NEK4: variants seen among roughly 807,000 people sequenced by gnomAD.
NEK4 encodes the protein NIMA related kinase 4.
In NEK4, 86 loss-of-function variants were observed where a neutral mutation model predicts 98.4. The ratio of observed to expected loss-of-function variants is 0.87; its 90% confidence interval spans 0.73 to 1.05. NEK4 has a LOEUF of 1.05. NEK4 is among the 50% of genes least tolerant of loss of function. The probability of loss-of-function intolerance (pLI) is 0.00; values close to 1 mark genes in which losing one functional copy is unlikely to be tolerated. For missense variants in NEK4, 898 were observed against 950.3 expected (o/e 0.94, Z 0.72); for synonymous variants, 328 against 342.2 (o/e 0.96, Z 0.46).
At position 52,765,972 on chromosome 3, in the gene NEK4, C is replaced by T; in HGVS notation, c.581G>A (p.Cys194Tyr). 6.2e-7 allele frequency: 1 copy of T among 1,609,944 alleles called. No homozygotes were observed. Among genetic ancestry groups the T allele is most frequent in the Non-Finnish European group, 8.5e-7 (1 of 1,176,256 alleles). Residue 194 changes from cysteine (C) to tyrosine (Y), a missense_variant, in exon 4 of 16, where the codon TGC becomes TAC. By Grantham distance (194) the Cys-to-Tyr change is radical. Coordinates refer to ENST00000233027, the MANE Select transcript of NEK4 (RefSeq NM_003157.6). Reference protein sequence around the residue: ...NYKSDVWALGCCVYEMATLKH... With the variant: ...NYKSDVWALGYCVYEMATLKH... ...CAAGGTGGCCATTTCATAGACACAGCATCCTAGAGCCCAAACATCAGACTA... is the reference window on the plus strand; with the variant it reads ...CAAGGTGGCCATTTCATAGACACAGTATCCTAGAGCCCAAACATCAGACTA...
Position 52,760,909 on chromosome 3 carries a change from A to G in NEK4, c.849T>C (p.Asn283=). 1 of 1,586,912 alleles carries G rather than the reference A, an allele frequency of 6.3e-7. No homozygotes were observed. Among genetic ancestry groups the G allele is most frequent in the Non-Finnish European group, 8.6e-7 (1 of 1,167,294 alleles). Residue 283 remains asparagine, a synonymous_variant, in exon 6 of 16, where the codon AAT becomes AAC. Transcript: ENST00000233027. ...KIKTSKNNIK[N]GDSQSKPFAT... is the part of the protein sequence containing the mutation. ...CAAAAGGCTTGGATTGAGAGTCACC[A>G]TTTTTAATGTTATTTTTGGAGGTTT...
chr3:52,740,711 G>C (rs1366372077), intron 13 of NEK4, among the ~76,000 whole-genome samples: 2 of 152,074 alleles, frequency 1.3e-5, no homozygotes, highest in African/African-American at 4.8e-5. Flanking sequence ...AGAATACCTT[G>C]AACTCAGGAG....
chr3:52,736,149 C>T (rs1439708703), intron 15 of NEK4, among the ~76,000 whole-genome samples: 1 of 152,166 alleles, frequency 6.6e-6, no homozygotes, highest in Admixed American at 6.5e-5. Flanking sequence ...CTTTAAAAAT[C>T]TGTCCTGTTT....
In NEK4 at chr3:52,711,286, A is replaced by C. The variant is rs898457018; in HGVS notation, c.*491T>G. ...ATAGAACTTCATATTCTTTAAATCTATTTCTAGAACTGAATTGACTTTTTA... is the reference window on the plus strand; with the variant it reads ...ATAGAACTTCATATTCTTTAAATCTCTTTCTAGAACTGAATTGACTTTTTA... On this transcript the variant is annotated 3_prime_UTR_variant, in exon 16 of 16. Transcript: ENST00000233027. 1.3e-5 allele frequency: 2 copies of C among 152,360 alleles called. 1 individual carries two copies. Among genetic ancestry groups the C allele is most frequent in the South Asian group, 4.1e-4 (2 of 4,836 alleles). 9.4% of individuals were successfully genotyped at this position (152,360 alleles called of 1,614,324 possible).
At chr3:52,746,595 A>G (rs1042901293) in intron 9 of NEK4, 139 bp downstream of exon 9, 43 of 727,166 alleles carry the variant, frequency 5.9e-5, no homozygotes, top group Non-Finnish European at 8.6e-5. Context: ...GAAAACTACT[A>G]TTTAGCATCT....
Position 52,770,864 on chromosome 3 carries a change from C to T in NEK4, c.-118G>A. 34 of 856,504 alleles carry T rather than the reference C, an allele frequency of 4.0e-5. No homozygotes were observed. The African/African-American group carries it at 4.8e-4, about 12-fold the overall frequency. The allele number at this position is 856,504 out of a possible 1,614,324, so 53.1% of individuals were successfully genotyped here. ...GCAGTGGGGGCGGCTGTTGAGGCAG[C>T]CGGGCCCGGGCGGGATTGCTGGGGC... On this transcript the variant is annotated 5_prime_UTR_variant, in exon 1 of 16. Coordinates refer to ENST00000233027, the MANE Select transcript of NEK4 (RefSeq NM_003157.6).
In NEK4 at chr3:52,766,351, G is replaced by A. The variant is rs141525620; in HGVS notation, c.385C>T (p.His129Tyr). Reference sequence around the variant, plus strand: ...ACATTTTGAGTTTTCAGATCTCGATGAAGGATGTGTTTTTCATGTAAATAC... The same window carrying A: ...ACATTTTGAGTTTTCAGATCTCGATAAAGGATGTGTTTTTCATGTAAATAC... ...LQYLHEKHIL[H>Y]RDLKTQNVFL... The change falls in exon 3 of 16, where the codon CAT becomes TAT. Residue 129 changes from histidine to tyrosine, a missense_variant. Coordinates refer to ENST00000233027, the MANE Select transcript of NEK4 (RefSeq NM_003157.6). The A allele has an allele frequency of 9.3e-6, 15 of 1,613,370 alleles. No individual in the cohort carries two copies. The highest frequency in any genetic ancestry group is 1.3e-5 in the Non-Finnish European group (15 of 1,179,432).
rs181081860 is a variant in NEK4, at chr3:52,754,855, C to T, written c.964-2519G>A. On this transcript the variant is annotated intron_variant, in intron 6 of 15. Coordinates refer to ENST00000233027, the MANE Select transcript of NEK4 (RefSeq NM_003157.6). ...TTGGGAGGCCAAGATGGGCGGATCA[C>T]GAGGTCAGGAGATCCAGAACATCCT... Among the ~76,000 whole-genome samples the T allele has an allele frequency of 4.5e-3, 690 of 152,108 alleles. 7 individuals are homozygous for T. The highest frequency in any genetic ancestry group is 7.7e-3 in the Non-Finnish European group (526 of 67,990).
chr3:52,768,106 A>G (rs1698642648), intron 2 of NEK4, among the ~76,000 whole-genome samples: 1 of 152,208 alleles, frequency 6.6e-6, no homozygotes, highest in East Asian at 1.9e-4. Context: ...ATGGTAATTG[A>G]GTGGGCTTCC....
chr3:52,732,809 G>A (rs1218028605), intron 15 of NEK4: 1 of 239,646 alleles, frequency 4.2e-6, no homozygotes. Flanking sequence ...CAATCCAGAT[G>A]GCAGGGAATG....
chr3:52,729,298 G>T (rs2097367392), intron 15 of NEK4, among the ~76,000 whole-genome samples: 1 of 152,080 alleles, frequency 6.6e-6, no homozygotes, highest in Admixed American at 6.6e-5. Context: ...TTATTTCTCA[G>T]CTGGCCGACA....
intron 1 of NEK4, among the ~76,000 whole-genome samples, chr3:52,769,607 A>C (rs1698704833): frequency 6.6e-6 from 1 of 152,224 alleles, no homozygotes; most frequent in African/African-American, 2.4e-5. Context: ...TAAATTTCTT[A>C]TGCATGAGCT....
intron 6 of NEK4, among the ~76,000 whole-genome samples, chr3:52,755,073 CAAA>C (rs201856002): frequency 2.1e-5 from 1 of 47,020 alleles, no homozygotes; most frequent in Non-Finnish European, 4.7e-5. Flanking sequence ...GACTCCGTCT[CAAA>C]AAAAAAAAAA....
At chr3:52,722,753 A>G (rs2097361182) in intron 15 of NEK4, among the ~76,000 whole-genome samples, 1 of 152,042 alleles carries the variant, frequency 6.6e-6, no homozygotes. Flanking sequence ...ATGTACAAAA[A>G]AAATAGCTGG....
Position 52,739,597 on chromosome 3 carries a change from A to G in NEK4, c.2131T>C (p.Leu711=), listed in dbSNP as rs777252064. 8.1e-6 allele frequency: 13 copies of G among 1,614,170 alleles called. No individual in the cohort carries two copies. The highest frequency in any genetic ancestry group is 2.2e-5 in the East Asian group (1 of 44,880). The change falls in exon 14 of 16, where the codon TTG becomes CTG. Residue 711 remains leucine, a synonymous_variant. Transcript: ENST00000233027. ...TCCAGTTTCAGGGTCTGAGTCATCAATTGTACCAAGGCATTAATTTCATTT... is the reference window on the plus strand; with the variant it reads ...TCCAGTTTCAGGGTCTGAGTCATCAGTTGTACCAAGGCATTAATTTCATTT... ...QTNEINALVQ[L]MTQTLKLDSK...
chr3:52,769,194 C>T (rs974567127), intron 1 of NEK4, among the ~76,000 whole-genome samples: 1 of 151,948 alleles, frequency 6.6e-6, no homozygotes, highest in East Asian at 1.9e-4. Flanking sequence ...TGCACTCCAG[C>T]CTGGGAGGCA....
chr3:52,712,310 G>A (rs1024721655), intron 15 of NEK4, among the ~76,000 whole-genome samples: 12 of 152,098 alleles, frequency 7.9e-5, no homozygotes, highest in East Asian at 1.9e-4. Context: ...CTCGCAGGGC[G>A]TGCAATGGGG....
intron 15 of NEK4, among the ~76,000 whole-genome samples, chr3:52,716,450 C>T (rs1051556384): frequency 6.6e-6 from 1 of 152,170 alleles, no homozygotes; most frequent in Non-Finnish European, 1.5e-5. Context: ...GTATGAAGCT[C>T]TCTCTGTTTT....
At chr3:52,767,480 G>A (rs558446552) in intron 2 of NEK4, among the ~76,000 whole-genome samples, 2 of 152,228 alleles carry the variant, frequency 1.3e-5, no homozygotes, top group East Asian at 1.9e-4. Context: ...GGGAGGCCGA[G>A]GCAGGTGGAT....
Sources: allele counts gnomAD v4.1 joint callset (sites outside exome capture counted in the v4.1 genomes callset), GRCh38; gene constraint gnomAD v4.1.1; transcripts MANE v1.5; gene names NCBI Gene and HGNC (gene_info 2026-07-23, HGNC 2026-07-21).